Variants in CRPPA observed in about 807,000 individuals in gnomAD.
CRPPA encodes the protein D-ribitol-5-phosphate cytidylyltransferase.
In CRPPA, 43 loss-of-function variants were observed where a neutral mutation model predicts 52.0. The observed-to-expected ratio is 0.83, with a 90% CI of 0.65 to 1.07. CRPPA has a LOEUF of 1.07. CRPPA is among the 50% of genes least tolerant of loss of function. CRPPA has a pLI of 0.00. For missense variants in CRPPA, 629 were observed against 551.7 expected (o/e 1.14, Z -1.40); for synonymous variants, 250 against 203.5 (o/e 1.23, Z -1.94).
chr7:16,293,860 G>A (rs1784614328), intron 5 of CRPPA, among the ~76,000 whole-genome samples: 1 of 151,934 alleles, frequency 6.6e-6, no homozygotes, highest in Non-Finnish European at 1.5e-5. Context: ...GTAAGGACCA[G>A]GCATGTGACA....
At chr7:16,140,505 T>G (rs953931340) in intron 9 of CRPPA, among the ~76,000 whole-genome samples, 1 of 152,218 alleles carries the variant, frequency 6.6e-6, no homozygotes, top group African/African-American at 2.4e-5. Context: ...GTATATGCTT[T>G]AGTCATACAA....
At chr7:16,363,351 A>T (rs963443301) in intron 3 of CRPPA, among the ~76,000 whole-genome samples, 2 of 152,238 alleles carry the variant, frequency 1.3e-5, no homozygotes, top group Non-Finnish European at 2.9e-5. Flanking sequence ...GAGGGAAAAT[A>T]TCCCAAATAA....
At chr7:16,141,021 C>T (rs1290696903) in intron 9 of CRPPA, among the ~76,000 whole-genome samples, 1 of 152,108 alleles carries the variant, frequency 6.6e-6, no homozygotes, top group Non-Finnish European at 1.5e-5. Context: ...TAAACCTTCC[C>T]CACTTGTCTA....
At chr7:16,319,338 C>T (rs1785208649) in intron 3 of CRPPA, among the ~76,000 whole-genome samples, 2 of 152,100 alleles carry the variant, frequency 1.3e-5, no homozygotes, top group Admixed American at 6.6e-5. Context: ...CTGATCTTTT[C>T]CAACAGACTT....
At chr7:16,286,494 G>C (rs1784452421) in intron 5 of CRPPA, among the ~76,000 whole-genome samples, 1 of 151,980 alleles carries the variant, frequency 6.6e-6, no homozygotes, top group African/African-American at 2.4e-5. Context: ...TAATTCCCAG[G>C]TTCTCATCAT....
intron 9 of CRPPA, among the ~76,000 whole-genome samples, chr7:16,170,366 G>A (rs1781154917): frequency 1.3e-5 from 2 of 152,302 alleles, no homozygotes; most frequent in African/African-American, 4.8e-5. Context: ...GACCCTCGCG[G>A]TGAGTGTTAC....
chr7:16,349,328 T>C (rs2128307516), intron 3 of CRPPA, among the ~76,000 whole-genome samples: 1 of 152,266 alleles, frequency 6.6e-6, no homozygotes, highest in East Asian at 1.9e-4. Context: ...ATCCTCTCAC[T>C]ATATGAAATT....
chr7:16,232,162 A>G (rs116878844), intron 8 of CRPPA, among the ~76,000 whole-genome samples: 1 of 152,194 alleles, frequency 6.6e-6, no homozygotes, highest in Non-Finnish European at 1.5e-5. Context: ...ACAGTACTCA[A>G]TGCACACACA....
chr7:16,229,885 G>A (rs1182600602), intron 8 of CRPPA, among the ~76,000 whole-genome samples: 1 of 151,932 alleles, frequency 6.6e-6, no homozygotes, highest in Admixed American at 6.6e-5. Flanking sequence ...CTTCATTTCT[G>A]AAGGACACCT....
At position 16,412,966 on chromosome 7, in the gene CRPPA, AT is replaced by A. The variant is rs771487842; in HGVS notation, c.258-6630del. Among the ~76,000 whole-genome samples, 5 of 152,312 alleles carry A rather than the reference AT, an allele frequency of 3.3e-5. No individual in the cohort carries two copies. The East Asian group carries it at 7.7e-4, about 24-fold the overall frequency. On this transcript the variant is annotated intron_variant, in intron 1 of 9. Coordinates refer to ENST00000407010, the MANE Select transcript of CRPPA (RefSeq NM_001101426.4). ...TTAACAGATCTATTGGGAACAGAAC[AT>A]TTTAACAAATGCTTTATGAAACAGA...
chr7:16,322,295 A>T (rs1225917862), intron 3 of CRPPA, among the ~76,000 whole-genome samples: 1 of 152,194 alleles, frequency 6.6e-6, no homozygotes, highest in Non-Finnish European at 1.5e-5. Flanking sequence ...GACTTAGAAG[A>T]TAATTTAATC....
At chr7:16,415,182 T>A (rs1474591213) in intron 1 of CRPPA, among the ~76,000 whole-genome samples, 1 of 152,210 alleles carries the variant, frequency 6.6e-6, no homozygotes, top group Admixed American at 6.5e-5. Flanking sequence ...AAACTAAAAC[T>A]GTTCTGATTT....
intron 9 of CRPPA, among the ~76,000 whole-genome samples, chr7:16,167,323 G>T (rs1195952181): frequency 6.6e-6 from 1 of 152,206 alleles, no homozygotes; most frequent in Non-Finnish European, 1.5e-5. Context: ...TTTGGGTTGA[G>T]CTGATCCAAT....
intron 5 of CRPPA, among the ~76,000 whole-genome samples, chr7:16,284,698 T>C (rs1382418889): frequency 6.6e-6 from 1 of 152,152 alleles, no homozygotes; most frequent in Non-Finnish European, 1.5e-5. Context: ...TTAAAACAGA[T>C]GCCCACTCGT....
At chr7:16,280,131 C>G (rs1011964025) in intron 5 of CRPPA, among the ~76,000 whole-genome samples, 2 of 152,198 alleles carry the variant, frequency 1.3e-5, no homozygotes, top group Admixed American at 6.5e-5. Context: ...CACTGGGTCC[C>G]TCCCACAACA....
intron 5 of CRPPA, among the ~76,000 whole-genome samples, chr7:16,285,528 CTTTT>C (rs139995246): frequency 6.6e-6 from 1 of 151,740 alleles, no homozygotes; most frequent in Non-Finnish European, 1.5e-5. Flanking sequence ...ATGAATAACT[CTTTT>C]TTTTGTCTAC....
intron 9 of CRPPA, among the ~76,000 whole-genome samples, chr7:16,152,492 A>T (rs1424867395): frequency 6.6e-6 from 1 of 152,022 alleles, no homozygotes; most frequent in Non-Finnish European, 1.5e-5. Flanking sequence ...CTGTGAATTA[A>T]AAGTGTCATT....
intron 9 of CRPPA, among the ~76,000 whole-genome samples, chr7:16,184,899 C>T (rs1000925061): frequency 6.6e-6 from 1 of 152,196 alleles, no homozygotes; most frequent in Non-Finnish European, 1.5e-5. Flanking sequence ...TGAGGGTATA[C>T]ATCAGCTTAT....
intron 6 of CRPPA, chr7:16,268,884 T>C (rs1784021920): frequency 6.6e-6 from 1 of 152,266 alleles, no homozygotes; most frequent in Admixed American, 6.6e-5. Flanking sequence ...ATTTCATCAC[T>C]GTTGCTAACT....
Sources: allele counts gnomAD v4.1 joint callset (sites outside exome capture counted in the v4.1 genomes callset), GRCh38; gene constraint gnomAD v4.1.1; transcripts MANE v1.5; gene names NCBI Gene and HGNC (gene_info 2026-07-23, HGNC 2026-07-21).